The following KYNU variants were observed in gnomAD, a reference collection of about 807,000 sequenced individuals.
KYNU encodes the protein kynureninase.
A neutral mutation model predicts 59.2 loss-of-function variants in KYNU; 54 were observed. That is an observed-to-expected ratio of 0.91 (90% CI 0.73 to 1.14). The LOEUF (loss-of-function observed/expected upper bound fraction) is 1.14, where lower values mean the gene tolerates loss of function less well. KYNU is among the 50% of genes most tolerant of loss of function. KYNU has a pLI of 0.00. For synonymous variants in KYNU, 177 were observed against 192.0 expected (o/e 0.92, Z 0.65); for missense variants, 567 against 554.4 (o/e 1.02, Z -0.23).
intron 12 of KYNU, among the ~76,000 whole-genome samples, chr2:143,034,638 C>A (rs561660950): frequency 2.6e-5 from 4 of 152,084 alleles, no homozygotes. Flanking sequence ...GACACAGTAA[C>A]GAGATTTTTC....
At chr2:142,906,069 C>G (rs115236198) in intron 2 of KYNU, among the ~76,000 whole-genome samples, 2,697 of 150,896 alleles carry the variant, frequency 0.018, 68 homozygotes, top group African/African-American at 0.063. Flanking sequence ...CTCTTTCTCT[C>G]CTCTCTGTCT....
intron 2 of KYNU, among the ~76,000 whole-genome samples, chr2:142,894,368 G>A (rs573813405): frequency 6.6e-6 from 1 of 151,912 alleles, no homozygotes; most frequent in Non-Finnish European, 1.5e-5. Context: ...TGCACCACCA[G>A]GAAATTTAAT....
chr2:142,930,772 G>C (rs751395169), intron 4 of KYNU, among the ~76,000 whole-genome samples: 15 of 152,160 alleles, frequency 9.9e-5, no homozygotes, highest in Non-Finnish European at 2.1e-4. Context: ...ACTCACATTG[G>C]AGATTAGGGC....
intron 3 of KYNU, among the ~76,000 whole-genome samples, chr2:142,923,936 A>T (rs1445270297): frequency 1.3e-5 from 2 of 152,220 alleles, no homozygotes; most frequent in Non-Finnish European, 2.9e-5. Context: ...GGACACTGAT[A>T]AAACATGCCA....
At chr2:142,908,503 T>A (rs571849775) in intron 2 of KYNU, among the ~76,000 whole-genome samples, 445 of 151,734 alleles carry the variant, frequency 2.9e-3, no homozygotes, top group African/African-American at 8.0e-3. Context: ...GGATTTTTTT[T>A]AAAAAAAATA....
chr2:142,955,230 A>T (rs530953879), intron 5 of KYNU, among the ~76,000 whole-genome samples: 1 of 152,210 alleles, frequency 6.6e-6, no homozygotes, highest in South Asian at 2.1e-4. Flanking sequence ...CAGCAGAGTG[A>T]GTTAGTGGAT....
chr2:142,939,994 C>A (rs1319955256), intron 4 of KYNU, among the ~76,000 whole-genome samples: 1 of 152,192 alleles, frequency 6.6e-6, no homozygotes, highest in African/African-American at 2.4e-5. Context: ...CCTCCCACAC[C>A]AGTGGATTCT....
At chr2:142,908,335 C>A (rs1375745361) in intron 2 of KYNU, among the ~76,000 whole-genome samples, 2 of 151,760 alleles carry the variant, frequency 1.3e-5, no homozygotes, top group South Asian at 2.1e-4. Context: ...ATTACAGTAA[C>A]CTTATGCTGT....
chr2:142,917,990 G>A (rs1682721292), intron 2 of KYNU, among the ~76,000 whole-genome samples: 1 of 152,102 alleles, frequency 6.6e-6, no homozygotes, highest in African/African-American at 2.4e-5. Flanking sequence ...ACATGGATTG[G>A]TTTGTTTGCA....
At chr2:143,005,527 G>C (rs778438656) in intron 10 of KYNU, among the ~76,000 whole-genome samples, 1 of 151,948 alleles carries the variant, frequency 6.6e-6, no homozygotes, top group African/African-American at 2.4e-5. Flanking sequence ...AAGAAGAAAG[G>C]CTCAGTCATA....
intron 8 of KYNU, among the ~76,000 whole-genome samples, chr2:142,984,464 G>A (rs1449641623): frequency 1.3e-5 from 2 of 152,008 alleles, no homozygotes; most frequent in Non-Finnish European, 2.9e-5. Context: ...CATCACACAT[G>A]TGAATCGTCA....
intron 2 of KYNU, among the ~76,000 whole-genome samples, chr2:142,907,766 C>G (rs1682350841): frequency 2.0e-5 from 3 of 152,106 alleles, no homozygotes; most frequent in Admixed American, 1.3e-4. Context: ...TTTAGTGAGC[C>G]TTCTTTACTA....
chr2:143,003,022 T>C (rs1573889067), intron 10 of KYNU, among the ~76,000 whole-genome samples: 1 of 152,220 alleles, frequency 6.6e-6, no homozygotes, highest in East Asian at 1.9e-4. Flanking sequence ...ATGCAAACAT[T>C]ATCTTACCAG....
At chr2:142,985,819 A>G in intron 9 of KYNU, 129 bp from the exon 10 acceptor site, 2 of 651,650 alleles carry the variant, frequency 3.1e-6, no homozygotes, top group Admixed American at 5.2e-5. Flanking sequence ...TATCATAAAT[A>G]CACAAATAAT....
chr2:143,008,611 T>A (rs1573895390), intron 10 of KYNU, among the ~76,000 whole-genome samples: 4 of 56,880 alleles, frequency 7.0e-5, no homozygotes, highest in African/African-American at 4.1e-4. Context: ...ATACATTTTT[T>A]TCAGCACCAC....
At chr2:142,937,077 C>T (rs550028872) in intron 4 of KYNU, among the ~76,000 whole-genome samples, 47 of 152,212 alleles carry the variant, frequency 3.1e-4, no homozygotes, top group African/African-American at 1.0e-3. Flanking sequence ...TCTAGTCTGT[C>T]GTAACTGCTA....
At chr2:142,975,279 C>T (rs991513739) in intron 8 of KYNU, among the ~76,000 whole-genome samples, 1 of 152,166 alleles carries the variant, frequency 6.6e-6, no homozygotes, top group African/African-American at 2.4e-5. Flanking sequence ...GCTGGACAGT[C>T]AGAGAGGATT....
intron 4 of KYNU, among the ~76,000 whole-genome samples, chr2:142,932,814 A>G (rs190513952): frequency 6.6e-6 from 1 of 152,142 alleles, no homozygotes; most frequent in African/African-American, 2.4e-5. Context: ...CCTTGCTGTA[A>G]GAAGGAGCTG....
At chr2:143,026,894 T>A (rs75582881) in intron 10 of KYNU, among the ~76,000 whole-genome samples, 4,067 of 152,234 alleles carry the variant, frequency 0.027, 176 homozygotes, top group African/African-American at 0.093. Context: ...CACCAAGCTG[T>A]CCCTCTGAAG....
Sources: allele counts gnomAD v4.1 joint callset (sites outside exome capture counted in the v4.1 genomes callset), GRCh38; gene constraint gnomAD v4.1.1; transcripts MANE v1.5; gene names NCBI Gene and HGNC (gene_info 2026-07-23, HGNC 2026-07-21).